SEMA6D: variants seen among roughly 807,000 people sequenced by gnomAD.
SEMA6D encodes semaphorin 6D, also known as semaphorin-6D.
SEMA6D carries 35 observed loss-of-function variants against 106.6 expected under a neutral mutation model. The ratio of observed to expected loss-of-function variants is 0.33; its 90% CI spans 0.25 to 0.44. The LOEUF (loss-of-function observed/expected upper bound fraction) is 0.44. Ranked by LOEUF, SEMA6D falls within the 20% of genes least tolerant of loss-of-function variation. The pLI is 1.00. For synonymous variants in SEMA6D, 499 were observed against 487.7 expected (o/e 1.02, Z -0.31); for missense variants, 1,185 against 1,345.9 (o/e 0.88, Z 1.87).
chr15:47,595,166 A>C (rs1374440852), intron 3 of SEMA6D, among the ~76,000 whole-genome samples: 1 of 152,190 alleles, frequency 6.6e-6, no homozygotes, highest in Non-Finnish European at 1.5e-5. Flanking sequence ...ATTTATTTTA[A>C]AAATCAACTT....
chr15:47,682,021 A>G (rs1048551111), intron 4 of SEMA6D, among the ~76,000 whole-genome samples: 2 of 152,204 alleles, frequency 1.3e-5, no homozygotes, highest in Admixed American at 6.5e-5. Context: ...TTTTAGCTCC[A>G]TAACATTAAT....
chr15:47,269,279 T>C (rs1213851231), intron 1 of SEMA6D, among the ~76,000 whole-genome samples: 1 of 152,046 alleles, frequency 6.6e-6, no homozygotes, highest in African/African-American at 2.4e-5. Flanking sequence ...GGAGTGTTTA[T>C]ATTAATCCTA....
chr15:47,224,451 A>G (rs1316363016), intron 1 of SEMA6D, among the ~76,000 whole-genome samples: 4 of 152,068 alleles, frequency 2.6e-5, no homozygotes, highest in African/African-American at 9.7e-5. Context: ...CTTAATTTTA[A>G]CAATAACCCT....
chr15:47,667,435 G>A (rs947082675), intron 4 of SEMA6D, among the ~76,000 whole-genome samples: 1 of 152,196 alleles, frequency 6.6e-6, no homozygotes, highest in African/African-American at 2.4e-5. Context: ...GACTTGGGCT[G>A]GAGAAAATAC....
At chr15:47,443,532 A>G (rs1596008905) in intron 2 of SEMA6D, among the ~76,000 whole-genome samples, 1 of 152,164 alleles carries the variant, frequency 6.6e-6, no homozygotes, top group Non-Finnish European at 1.5e-5. Context: ...AGCTCCACTC[A>G]CCATCTGACT....
chr15:47,304,644 A>C (rs1423619513), intron 1 of SEMA6D, among the ~76,000 whole-genome samples: 1 of 152,134 alleles, frequency 6.6e-6, no homozygotes, highest in Non-Finnish European at 1.5e-5. Flanking sequence ...AACTGTTGCT[A>C]CACAAGTTAA....
chr15:47,577,434 A>G (rs1199640452), intron 3 of SEMA6D, among the ~76,000 whole-genome samples: 2 of 152,252 alleles, frequency 1.3e-5, no homozygotes, highest in African/African-American at 4.8e-5. Flanking sequence ...ACATGGCTGC[A>G]TGAGGGCCTC....
At chr15:47,652,533 A>C (rs1218790950) in intron 4 of SEMA6D, among the ~76,000 whole-genome samples, 1 of 152,194 alleles carries the variant, frequency 6.6e-6, no homozygotes, top group Non-Finnish European at 1.5e-5. Flanking sequence ...AGTGTTAAAA[A>C]TGTAACTGTG....
intron 4 of SEMA6D, among the ~76,000 whole-genome samples, chr15:47,652,892 C>T (rs141946348): frequency 9.2e-5 from 14 of 152,264 alleles, no homozygotes; most frequent in African/African-American, 3.4e-4. Context: ...GCTCTCAATC[C>T]AGCTGCAATA....
At chr15:47,314,131 T>C (rs575801683) in intron 1 of SEMA6D, among the ~76,000 whole-genome samples, 6 of 152,334 alleles carry the variant, frequency 3.9e-5, no homozygotes, top group South Asian at 2.1e-4. Flanking sequence ...ATTTTGGTCA[T>C]TCTAATAGGT....
intron 3 of SEMA6D, among the ~76,000 whole-genome samples, chr15:47,599,920 G>A (rs1426987972): frequency 6.6e-6 from 1 of 151,966 alleles, no homozygotes; most frequent in Non-Finnish European, 1.5e-5. Context: ...AAAACACCAA[G>A]AGGAGAAGCA....
chr15:47,703,976 G>A (rs1388543023), intron 4 of SEMA6D, among the ~76,000 whole-genome samples: 1 of 152,122 alleles, frequency 6.6e-6, no homozygotes, highest in Non-Finnish European at 1.5e-5. Flanking sequence ...ATTATCTGTT[G>A]CAAAAACCCA....
chr15:47,281,840 T>A (rs2035138415), intron 1 of SEMA6D, among the ~76,000 whole-genome samples: 1 of 152,136 alleles, frequency 6.6e-6, no homozygotes, highest in South Asian at 2.1e-4. Context: ...TTCTTATTAT[T>A]TTTCATTTCT....
chr15:47,726,427 A>G (rs1007245488), intron 1 of SEMA6D, among the ~76,000 whole-genome samples: 1 of 152,240 alleles, frequency 6.6e-6, no homozygotes, highest in East Asian at 1.9e-4. Context: ...CATTTTGTAC[A>G]GGAGGAAACT....
intron 1 of SEMA6D, among the ~76,000 whole-genome samples, chr15:47,316,794 T>C (rs10851451): frequency 0.43 from 65,928 of 151,938 alleles, 16,636 homozygotes; most frequent in Non-Finnish European, 0.56. Context: ...GGTTGGTTTT[T>C]ATACATTGTT....
intron 3 of SEMA6D, among the ~76,000 whole-genome samples, chr15:47,523,610 C>G (rs2044658537): frequency 6.6e-6 from 1 of 152,192 alleles, no homozygotes; most frequent in African/African-American, 2.4e-5. Context: ...ACAAAGCCTG[C>G]TCCCAATTTT....
chr15:47,529,771 A>G (rs1482537029), intron 3 of SEMA6D, among the ~76,000 whole-genome samples: 1 of 152,140 alleles, frequency 6.6e-6, no homozygotes, highest in Non-Finnish European at 1.5e-5. Context: ...GATGTTAGGG[A>G]TTCAGGGAAG....
intron 4 of SEMA6D, among the ~76,000 whole-genome samples, chr15:47,626,098 A>G (rs960718711): frequency 9.9e-5 from 15 of 152,172 alleles, no homozygotes; most frequent in Non-Finnish European, 2.1e-4. Flanking sequence ...CTTTCTAGGC[A>G]GGTAGAGTTG....
At chr15:47,742,216 A>C (rs1310835080) in intron 1 of SEMA6D, among the ~76,000 whole-genome samples, 1 of 152,358 alleles carries the variant, frequency 6.6e-6, no homozygotes, top group East Asian at 1.9e-4. Flanking sequence ...AGTGATAATA[A>C]TACTACTTCT....
Sources: allele counts gnomAD v4.1 joint callset (sites outside exome capture counted in the v4.1 genomes callset), GRCh38; gene constraint gnomAD v4.1.1; transcripts MANE v1.5; gene names NCBI Gene and HGNC (gene_info 2026-07-23, HGNC 2026-07-21).